SGCZ: variants seen among roughly 807,000 people sequenced by gnomAD.
The protein encoded by SGCZ is sarcoglycan zeta.
Under a neutral mutation model 41.3 loss-of-function variants are expected in SGCZ, and 40 were observed. The ratio of observed to expected loss-of-function variants is 0.97; its 90% CI spans 0.75 to 1.26. The LOEUF is 1.26. Among genes scored for constraint, SGCZ ranks in the 50% most tolerant of loss-of-function variants. The pLI is 0.00. For missense variants in SGCZ, 552 were observed against 369.8 expected (o/e 1.49, Z -4.04); for synonymous variants, 206 against 137.5 (o/e 1.50, Z -3.49).
At chr8:14,236,483 A>G (rs377420785) in intron 4 of SGCZ, among the ~76,000 whole-genome samples, 1 of 152,100 alleles carries the variant, frequency 6.6e-6, no homozygotes, top group East Asian at 1.9e-4. Flanking sequence ...ACACAGAATC[A>G]AAATTCATGT....
chr8:14,181,067 G>T (rs1804708895), intron 4 of SGCZ, among the ~76,000 whole-genome samples: 1 of 152,176 alleles, frequency 6.6e-6, no homozygotes, highest in Admixed American at 6.5e-5. Context: ...CCTAGGGAGG[G>T]AAGCCATGTG....
chr8:14,981,424 C>T (rs566052154), intron 1 of SGCZ, among the ~76,000 whole-genome samples: 1 of 152,314 alleles, frequency 6.6e-6, no homozygotes, highest in South Asian at 2.1e-4. Flanking sequence ...GTAAAATTTT[C>T]ATGCCTACTG....
chr8:14,436,524 AC>A (rs1800099202), intron 2 of SGCZ, among the ~76,000 whole-genome samples: 1 of 152,090 alleles, frequency 6.6e-6, no homozygotes, highest in African/African-American at 2.4e-5. Context: ...TGGTAGTAAG[AC>A]CATATTTATC....
At chr8:14,518,330 G>A (rs1488571746) in intron 2 of SGCZ, among the ~76,000 whole-genome samples, 1 of 151,928 alleles carries the variant, frequency 6.6e-6, no homozygotes, top group Non-Finnish European at 1.5e-5. Flanking sequence ...ATCTTACATT[G>A]TATGCTAGTG....
intron 1 of SGCZ, among the ~76,000 whole-genome samples, chr8:15,161,181 T>C (rs970414010): frequency 3.9e-5 from 6 of 152,116 alleles, no homozygotes; most frequent in African/African-American, 1.4e-4. Context: ...AACTCTCTTC[T>C]GTCCCTTGAA....
chr8:15,035,534 C>T (rs1038106949), intron 1 of SGCZ, among the ~76,000 whole-genome samples: 1 of 152,064 alleles, frequency 6.6e-6, no homozygotes, highest in East Asian at 1.9e-4. Flanking sequence ...GGATTGTATT[C>T]TCTAATCAAA....
intron 1 of SGCZ, among the ~76,000 whole-genome samples, chr8:14,895,727 G>C (rs938175021): frequency 2.0e-5 from 3 of 152,184 alleles, no homozygotes; most frequent in Admixed American, 2.0e-4. Context: ...TTTCGAATGT[G>C]TGATAAGTCT....
chr8:14,843,488 C>G (rs1304098292), intron 1 of SGCZ, among the ~76,000 whole-genome samples: 3 of 151,994 alleles, frequency 2.0e-5, no homozygotes, highest in East Asian at 3.9e-4. Context: ...TACTACATGC[C>G]TGTTCATCAT....
In SGCZ at chr8:14,255,245, C is replaced by T. The variant is rs1029546970; in HGVS notation, c.337-17566G>A. Among the ~76,000 whole-genome samples the T allele has an allele frequency of 4.6e-5, 7 of 152,280 alleles. No individual in the cohort carries two copies. The South Asian group carries it at 1.5e-3, about 32-fold the overall frequency. Reference sequence around the variant, plus strand: ...TTCCAGTCATAATTGTTGGTAATTTCAGTTACCATATAGATAATTTCCTGA... The same window carrying T: ...TTCCAGTCATAATTGTTGGTAATTTTAGTTACCATATAGATAATTTCCTGA... On this transcript the variant is annotated intron_variant, in intron 3 of 7. Coordinates refer to ENST00000382080, the MANE Select transcript of SGCZ (RefSeq NM_139167.4).
At chr8:14,608,396 C>A (rs1805820876) in intron 1 of SGCZ, among the ~76,000 whole-genome samples, 1 of 151,702 alleles carries the variant, frequency 6.6e-6, no homozygotes, top group Non-Finnish European at 1.5e-5. Context: ...CCAGCATATG[C>A]TCAGCTTCTG....
At chr8:14,287,699 T>C (rs1800688760) in intron 3 of SGCZ, among the ~76,000 whole-genome samples, 1 of 152,108 alleles carries the variant, frequency 6.6e-6, no homozygotes, top group South Asian at 2.1e-4. Flanking sequence ...TTTCAAAAGT[T>C]CTTCAGGTTC....
intron 1 of SGCZ, among the ~76,000 whole-genome samples, chr8:14,948,488 G>C (rs900058183): frequency 6.0e-5 from 9 of 150,622 alleles, no homozygotes; most frequent in Non-Finnish European, 1.2e-4. Context: ...GAGAGAGAGA[G>C]AGAGGTCTCC....
intron 1 of SGCZ, among the ~76,000 whole-genome samples, chr8:14,745,255 C>A (rs1799310041): frequency 6.6e-6 from 1 of 151,952 alleles, no homozygotes. Flanking sequence ...AGTTGCCACC[C>A]CCATCTTAAC....
At chr8:14,831,390 T>C (rs1802520940) in intron 1 of SGCZ, among the ~76,000 whole-genome samples, 1 of 152,160 alleles carries the variant, frequency 6.6e-6, no homozygotes, top group Admixed American at 6.5e-5. Context: ...ATGTGTTATC[T>C]GGGGCTACCA....
At chr8:14,401,053 G>A (rs901522368) in intron 2 of SGCZ, among the ~76,000 whole-genome samples, 5 of 152,074 alleles carry the variant, frequency 3.3e-5, no homozygotes, top group Non-Finnish European at 5.9e-5. Context: ...CACCCTGTAC[G>A]CTGACCTCCC....
chr8:14,401,025 C>T (rs961419464), intron 2 of SGCZ, among the ~76,000 whole-genome samples: 1 of 152,130 alleles, frequency 6.6e-6, no homozygotes, highest in Non-Finnish European at 1.5e-5. Context: ...CAACAATTCA[C>T]TATAAGCAGG....
intron 1 of SGCZ, among the ~76,000 whole-genome samples, chr8:14,921,427 T>C (rs146058362): frequency 2.0e-4 from 30 of 152,136 alleles, no homozygotes; most frequent in African/African-American, 7.0e-4. Context: ...CCCCTATCTA[T>C]CAAGTTGTAA....
intron 2 of SGCZ, among the ~76,000 whole-genome samples, chr8:14,498,218 C>T (rs553834238): frequency 1.3e-5 from 2 of 152,126 alleles, no homozygotes; most frequent in South Asian, 2.1e-4. Flanking sequence ...CTTTGTATGC[C>T]AGCCTTTGAT....
chr8:14,228,687 G>T (rs1023580102), intron 4 of SGCZ, among the ~76,000 whole-genome samples: 4 of 151,886 alleles, frequency 2.6e-5, no homozygotes, highest in African/African-American at 9.7e-5. Flanking sequence ...AAAGCAGTGG[G>T]ACACCTTTAC....
Sources: allele counts gnomAD v4.1 joint callset (sites outside exome capture counted in the v4.1 genomes callset), GRCh38; gene constraint gnomAD v4.1.1; transcripts MANE v1.5; gene names NCBI Gene and HGNC (gene_info 2026-07-23, HGNC 2026-07-21).